Variants in MOB3B observed in about 807,000 individuals in gnomAD.
MOB3B encodes MOB kinase activator-like 2B.
A neutral mutation model predicts 18.7 loss-of-function variants in MOB3B; 7 were observed. That is an observed-to-expected ratio of 0.37 (90% CI 0.21 to 0.70). The LOEUF is 0.70. Among genes scored for constraint, MOB3B ranks in the 30% least tolerant of loss-of-function variants. MOB3B has a pLI of 0.52. For missense variants in MOB3B, 253 were observed against 281.3 expected (o/e 0.90, Z 0.72); for synonymous variants, 111 against 99.9 (o/e 1.11, Z -0.66).
At chr9:27,361,034 G>C (rs1461393459) in intron 2 of MOB3B, among the ~76,000 whole-genome samples, 1 of 152,166 alleles carries the variant, frequency 6.6e-6, no homozygotes, top group Non-Finnish European at 1.5e-5. Context: ...TTTGAAGCCT[G>C]AGTCCCAGAA....
chr9:27,431,063 A>G (rs1005000313), intron 2 of MOB3B, among the ~76,000 whole-genome samples: 1 of 152,190 alleles, frequency 6.6e-6, no homozygotes, highest in African/African-American at 2.4e-5. Flanking sequence ...TTTTGTGCAG[A>G]GTTAGAAAAA....
intron 1 of MOB3B, among the ~76,000 whole-genome samples, chr9:27,474,385 C>T (rs968256254): frequency 9.8e-5 from 15 of 152,320 alleles, no homozygotes; most frequent in African/African-American, 3.6e-4. Flanking sequence ...TCAAGTGGAA[C>T]TTCCCTAGAC....
chr9:27,395,683 G>A (rs1046564084), intron 2 of MOB3B, among the ~76,000 whole-genome samples: 1 of 152,160 alleles, frequency 6.6e-6, no homozygotes, highest in African/African-American at 2.4e-5. Context: ...CCCTTCCTTT[G>A]TGTTTCTGTT....
chr9:27,485,299 T>C (rs1819716906), intron 1 of MOB3B, among the ~76,000 whole-genome samples: 1 of 152,202 alleles, frequency 6.6e-6, no homozygotes, highest in African/African-American at 2.4e-5. Flanking sequence ...AGGTAGGGAC[T>C]GTGGAGCTCA....
At chr9:27,455,029 G>T in intron 2 of MOB3B, 104 bp downstream of exon 2, 1 of 1,213,148 alleles carries the variant, frequency 8.2e-7, no homozygotes, top group Non-Finnish European at 1.2e-6. Flanking sequence ...GTGAGTGATG[G>T]GATTAATGCA....
At chr9:27,377,676 T>C (rs1471741055) in intron 2 of MOB3B, among the ~76,000 whole-genome samples, 1 of 152,196 alleles carries the variant, frequency 6.6e-6, no homozygotes, top group East Asian at 1.9e-4. Flanking sequence ...TTATGCTAAA[T>C]TGAAAACACT....
intron 1 of MOB3B, among the ~76,000 whole-genome samples, chr9:27,462,550 A>T (rs953014085): frequency 2.0e-5 from 3 of 152,248 alleles, no homozygotes; most frequent in African/African-American, 7.2e-5. Context: ...TACTTTATAA[A>T]GCATGGGTGT....
At chr9:27,520,140 T>C (rs1176320011) in intron 1 of MOB3B, among the ~76,000 whole-genome samples, 1 of 152,222 alleles carries the variant, frequency 6.6e-6, no homozygotes, top group Non-Finnish European at 1.5e-5. Context: ...CAATAAATCT[T>C]ATCAGTAGAT....
At chr9:27,347,436 C>G (rs751352232) in intron 3 of MOB3B, among the ~76,000 whole-genome samples, 1 of 152,252 alleles carries the variant, frequency 6.6e-6, no homozygotes, top group South Asian at 2.1e-4. Context: ...GTTCCTGGAA[C>G]GTAGCGCCCT....
chr9:27,341,697 T>C (rs948915839), intron 3 of MOB3B, among the ~76,000 whole-genome samples: 5 of 152,220 alleles, frequency 3.3e-5, no homozygotes, highest in Admixed American at 3.3e-4. Flanking sequence ...TGTGCCCGAC[T>C]CTGTCACTGA....
At chr9:27,522,420 CATATATATATATATAT>C (rs66472709) in intron 1 of MOB3B, among the ~76,000 whole-genome samples, 1 of 141,388 alleles carries the variant, frequency 7.1e-6, no homozygotes, top group African/African-American at 2.7e-5. Context: ...GACATTTTTT[CATATATATATATATAT>C]ATATATATAT....
intron 3 of MOB3B, among the ~76,000 whole-genome samples, chr9:27,333,447 C>T (rs1820818533): frequency 6.6e-6 from 1 of 152,178 alleles, no homozygotes; most frequent in Non-Finnish European, 1.5e-5. Flanking sequence ...CAGGGCCAAA[C>T]ACATTCCTTC....
chr9:27,361,040 C>G (rs1398790699), intron 2 of MOB3B, among the ~76,000 whole-genome samples: 2 of 152,102 alleles, frequency 1.3e-5, no homozygotes, highest in South Asian at 4.2e-4. Context: ...GCCTGAGTCC[C>G]AGAAGTGATG....
rs1820823034 is a variant in MOB3B, at chr9:27,333,817, T to C, written c.622-3201A>G. Among the ~76,000 whole-genome samples the C allele has an allele frequency of 2.0e-5, 3 of 152,222 alleles. No individual in the cohort carries two copies. In the South Asian group the frequency reaches 6.2e-4, roughly 32 times the overall value. ...TGTCAACAAAACAAATTCCATCCTCTGAAGCCTGTCAAAGAAAGAGGACCC... is the reference window on the plus strand; with the variant it reads ...TGTCAACAAAACAAATTCCATCCTCCGAAGCCTGTCAAAGAAAGAGGACCC... On this transcript the variant is annotated intron_variant, in intron 3 of 3. Coordinates refer to ENST00000262244, the MANE Select transcript of MOB3B (RefSeq NM_024761.5).
chr9:27,403,647 A>T (rs1821920582), intron 2 of MOB3B, among the ~76,000 whole-genome samples: 1 of 147,232 alleles, frequency 6.8e-6, no homozygotes, highest in African/African-American at 2.5e-5. Context: ...AACCCAGTTA[A>T]TTTTTGTATG....
Position 27,395,114 on chromosome 9 carries a change from G to A in MOB3B, c.419-35878C>T, listed in dbSNP as rs867397388. Among the ~76,000 whole-genome samples the A allele has an allele frequency of 5.3e-5, 8 of 152,186 alleles. No individual in the cohort carries two copies. The South Asian group carries it at 1.7e-3, about 32-fold the overall frequency. On this transcript the variant is annotated intron_variant, in intron 2 of 3. Transcript: ENST00000262244. ...GGGGGTGGAGAAAAGGTCATCTGTG[G>A]AGTCATTAAGTCGGGATGTCTTGTT... is the stretch of plus-strand genomic sequence containing the variant.
At chr9:27,403,507 T>C (rs1430807444) in intron 2 of MOB3B, among the ~76,000 whole-genome samples, 2 of 145,776 alleles carry the variant, frequency 1.4e-5, no homozygotes, top group African/African-American at 5.0e-5. Context: ...TTGGTCTGGC[T>C]CTTTACTAAT....
At chr9:27,493,647 A>G (rs183774663) in intron 1 of MOB3B, among the ~76,000 whole-genome samples, 332 of 152,276 alleles carry the variant, frequency 2.2e-3, no homozygotes, top group Middle Eastern at 0.014. Context: ...TCTCAAAAAA[A>G]AAAAATTTCA....
intron 2 of MOB3B, among the ~76,000 whole-genome samples, chr9:27,454,205 T>A (rs1020914760): frequency 2.6e-5 from 4 of 152,248 alleles, no homozygotes; most frequent in Non-Finnish European, 5.9e-5. Flanking sequence ...CCTACCCCAA[T>A]CTAGAGGTGA....
Sources: gnomAD v4.1 joint callset for allele counts (sites outside exome capture counted in the v4.1 genomes callset) on GRCh38, gnomAD v4.1.1 for gene constraint, MANE v1.5 for transcripts, NCBI Gene and HGNC (gene_info 2026-07-23, HGNC 2026-07-21) for gene names.